Variants in ULK4 observed in about 807,000 individuals in gnomAD.
ULK4 encodes unc-51 like kinase 4, also known as inactive serine/threonine-protein kinase ULK4.
Under a neutral mutation model 160.6 loss-of-function variants are expected in ULK4, and 133 were observed. The ratio of observed to expected loss-of-function variants is 0.83; its 90% CI spans 0.72 to 0.96. The LOEUF (loss-of-function observed/expected upper bound fraction) is 0.96, where lower values mean the gene tolerates loss of function less well. Among genes scored for constraint, ULK4 ranks in the 40% least tolerant of loss-of-function variants. The probability of loss-of-function intolerance (pLI) is 0.00; values close to 1 mark genes in which losing one functional copy is unlikely to be tolerated. For missense variants in ULK4, 1,580 were observed against 1,499.5 expected, an observed-to-expected ratio of 1.05 and a Z score of -0.89; for synonymous variants, 534 against 539.8, an observed-to-expected ratio of 0.99 and a Z score of 0.15.
chr3:41,408,191 G>T (rs2125824570), intron 34 of ULK4, among the ~76,000 whole-genome samples: 1 of 151,994 alleles, frequency 6.6e-6, no homozygotes, highest in South Asian at 2.1e-4. Context: ...CACTTTGGGA[G>T]GCCGAGGTGG....
intron 34 of ULK4, among the ~76,000 whole-genome samples, chr3:41,415,377 C>T (rs1430723192): frequency 6.6e-6 from 1 of 152,154 alleles, no homozygotes; most frequent in South Asian, 2.1e-4. Flanking sequence ...GTAACCAATG[C>T]TCCACTATGC....
At chr3:41,913,690 T>C (rs149523274) in intron 8 of ULK4, among the ~76,000 whole-genome samples, 12 of 152,278 alleles carry the variant, frequency 7.9e-5, no homozygotes, top group Admixed American at 7.8e-4. Flanking sequence ...AGCCCAGGTG[T>C]AGTGGCTCAC....
At chr3:41,339,572 C>T (rs926449473) in intron 35 of ULK4, among the ~76,000 whole-genome samples, 11 of 152,130 alleles carry the variant, frequency 7.2e-5, no homozygotes, top group African/African-American at 2.7e-4. Context: ...AACTTATTCC[C>T]AAATCCTCAT....
chr3:41,548,463 A>T (rs914607772), intron 32 of ULK4, among the ~76,000 whole-genome samples: 1 of 152,052 alleles, frequency 6.6e-6, no homozygotes, highest in Non-Finnish European at 1.5e-5. Flanking sequence ...CCAGCACCCA[A>T]GCACACTGTG....
At chr3:41,540,249 G>A (rs954493667) in intron 32 of ULK4, among the ~76,000 whole-genome samples, 4 of 150,372 alleles carry the variant, frequency 2.7e-5, no homozygotes, top group Non-Finnish European at 5.9e-5. Flanking sequence ...TGATGCGTTC[G>A]CATTGTTCAA....
intron 16 of ULK4, among the ~76,000 whole-genome samples, chr3:41,891,597 T>C: frequency 6.6e-6 from 1 of 151,710 alleles, no homozygotes; most frequent in Middle Eastern, 3.2e-3. Flanking sequence ...CTGAGAGGCC[T>C]TCTTGAAAAC....
chr3:41,293,704 A>G (rs758063012), intron 35 of ULK4, among the ~76,000 whole-genome samples: 6 of 152,214 alleles, frequency 3.9e-5, no homozygotes, highest in Non-Finnish European at 7.3e-5. Flanking sequence ...ATAGTAGCTC[A>G]CAGAGCTGCT....
intron 7 of ULK4, 142 bp from the exon 8 acceptor site, chr3:41,916,194 A>G: frequency 3.5e-6 from 2 of 568,978 alleles, no homozygotes; most frequent in South Asian, 5.3e-5. Context: ...TCCATTAACA[A>G]CAATTATATC....
chr3:41,609,564 C>A (rs561997587), intron 31 of ULK4, among the ~76,000 whole-genome samples: 10 of 152,306 alleles, frequency 6.6e-5, no homozygotes, highest in African/African-American at 2.4e-4. Context: ...ATTCTTCAAT[C>A]GGTAAAAGCC....
At chr3:41,636,921 C>A (rs2033978912) in intron 30 of ULK4, among the ~76,000 whole-genome samples, 1 of 152,118 alleles carries the variant, frequency 6.6e-6, no homozygotes, top group Non-Finnish European at 1.5e-5. Flanking sequence ...GTGCTCATCA[C>A]AAAGGACACA....
intron 32 of ULK4, among the ~76,000 whole-genome samples, chr3:41,465,874 T>C (rs571365953): frequency 1.1e-4 from 16 of 152,316 alleles, no homozygotes; most frequent in African/African-American, 3.8e-4. Flanking sequence ...TGTTTATTCT[T>C]TCCTGTCGTT....
chr3:41,396,338 A>G (rs1284137228), intron 35 of ULK4, among the ~76,000 whole-genome samples: 1 of 151,360 alleles, frequency 6.6e-6, no homozygotes, highest in African/African-American at 2.4e-5. Context: ...CTAAGTTTCA[A>G]AAAAAAAATC....
chr3:41,802,995 T>A (rs552289023), intron 19 of ULK4, among the ~76,000 whole-genome samples: 79 of 152,190 alleles, frequency 5.2e-4, no homozygotes, highest in African/African-American at 1.8e-3. Flanking sequence ...TGAAACCCCA[T>A]CTCTACCAAA....
At chr3:41,949,739 T>A (rs1559671283) in intron 2 of ULK4, among the ~76,000 whole-genome samples, 2 of 148,386 alleles carry the variant, frequency 1.3e-5, no homozygotes, top group South Asian at 4.3e-4. Flanking sequence ...CTGCCTTTTT[T>A]TTTTTCTTTC....
intron 35 of ULK4, among the ~76,000 whole-genome samples, chr3:41,285,871 C>T (rs1012252599): frequency 2.0e-5 from 3 of 151,960 alleles, no homozygotes; most frequent in Non-Finnish European, 2.9e-5. Context: ...TTGTGTGAAG[C>T]GGGGAGGAGA....
chr3:41,502,020 T>C (rs12491792), intron 32 of ULK4, among the ~76,000 whole-genome samples: 64,466 of 152,180 alleles, frequency 0.42, 15,114 homozygotes, highest in Non-Finnish European at 0.52. Context: ...CTACAAATCA[T>C]AGGCTTTCCT....
At chr3:41,631,760 A>T (rs142881101) in intron 30 of ULK4, among the ~76,000 whole-genome samples, 1 of 152,134 alleles carries the variant, frequency 6.6e-6, no homozygotes, top group African/African-American at 2.4e-5. Context: ...GGAAAGCTGA[A>T]GTCAAGAGGA....
chr3:41,797,126 A>G (rs763819762), intron 20 of ULK4, among the ~76,000 whole-genome samples: 5 of 152,180 alleles, frequency 3.3e-5, no homozygotes, highest in Admixed American at 6.5e-5. Context: ...GCTTCCTCAA[A>G]ATAGAATTCC....
In ULK4 at chr3:41,751,902, A is replaced by AATGCAACAG. The variant is rs2038644739; in HGVS notation, c.2321+2450_2321+2458dup. Among the ~76,000 whole-genome samples, 3 of 152,170 alleles carry AATGCAACAG rather than the reference A, an allele frequency of 2.0e-5. 1 individual carries two copies. In the South Asian group the frequency reaches 6.2e-4, roughly 32 times the overall value. ...GAGTGCATAGGCTTAGTGTATTCAAAATGCAACAGACAAACCATGGGGCTC... is the reference window on the plus strand; with the variant it reads ...GAGTGCATAGGCTTAGTGTATTCAAAATGCAACAGATGCAACAGACAAACCATGGGGCTC... On this transcript the variant is annotated intron_variant, in intron 22 of 36. Transcript: ENST00000301831.
Sources: gnomAD v4.1 joint callset for allele counts (sites outside exome capture counted in the v4.1 genomes callset) on GRCh38, gnomAD v4.1.1 for gene constraint, MANE v1.5 for transcripts, NCBI Gene and HGNC (gene_info 2026-07-23, HGNC 2026-07-21) for gene names.